LUZP2: variants seen among roughly 807,000 people sequenced by gnomAD.
LUZP2 encodes the protein leucine zipper protein 2.
A neutral mutation model predicts 51.6 loss-of-function variants in LUZP2; 52 were observed. The observed-to-expected ratio is 1.01, with a 90% CI of 0.81 to 1.27. The LOEUF (loss-of-function observed/expected upper bound fraction) is 1.27, where lower values mean the gene tolerates loss of function less well. LUZP2 is among the 50% of genes most tolerant of loss of function. LUZP2 has a pLI of 0.00. For missense variants in LUZP2, 436 were observed against 395.4 expected (o/e 1.10, Z -0.87); for synonymous variants, 154 against 137.3 (o/e 1.12, Z -0.85).
intron 1 of LUZP2, among the ~76,000 whole-genome samples, chr11:24,502,597 A>G (rs1590109295): frequency 6.6e-6 from 1 of 151,800 alleles, no homozygotes; most frequent in African/African-American, 2.4e-5. Context: ...TCTTGGCCAG[A>G]CTGGTCTTGA....
At chr11:24,609,732 A>G (rs74363037) in intron 1 of LUZP2, among the ~76,000 whole-genome samples, 1 of 7,498 alleles carries the variant, frequency 1.3e-4, no homozygotes, top group South Asian at 3.2e-3. Flanking sequence ...TCCAGCTCAA[A>G]AAAAAAAAAA....
chr11:25,018,037 G>GTTTTTTTTTTTTTTTTTTTTTTTT (rs1410360304), intron 9 of LUZP2, among the ~76,000 whole-genome samples: 1 of 131,092 alleles, frequency 7.6e-6, no homozygotes, highest in Non-Finnish European at 1.6e-5. Flanking sequence ...TTTTGTTTCT[G>GTTTTTTTTTTTTTTTTTTTTTTTT]TTTTTTTTTT....
At chr11:25,077,252 AAG>A in intron 10 of LUZP2, 75 bp from the exon 11 acceptor site, 9 of 1,067,324 alleles carry the variant, frequency 8.4e-6, no homozygotes, top group Non-Finnish European at 1.2e-5. Flanking sequence ...GGAAGAATTC[AAG>A]AGAGTGTTTT....
chr11:24,773,882 C>T (rs1848826414), intron 5 of LUZP2, among the ~76,000 whole-genome samples: 1 of 152,136 alleles, frequency 6.6e-6, no homozygotes, highest in Non-Finnish European at 1.5e-5. Flanking sequence ...CCCGAGGACC[C>T]TAACCACAAA....
chr11:24,542,522 G>T (rs1433567138), intron 1 of LUZP2, among the ~76,000 whole-genome samples: 2 of 151,620 alleles, frequency 1.3e-5, no homozygotes, highest in Non-Finnish European at 2.9e-5. Context: ...ATTTTCCAGT[G>T]TGTGAAAAAA....
At chr11:24,856,895 A>G (rs567761036) in intron 5 of LUZP2, among the ~76,000 whole-genome samples, 12 of 152,214 alleles carry the variant, frequency 7.9e-5, no homozygotes, top group Middle Eastern at 3.4e-3. Context: ...AATAAAGTAT[A>G]TACATGGACA....
chr11:24,781,082 A>C (rs976807741), intron 5 of LUZP2, among the ~76,000 whole-genome samples: 3 of 152,148 alleles, frequency 2.0e-5, no homozygotes, highest in Non-Finnish European at 4.4e-5. Context: ...AGTGGATTCA[A>C]GTTACTATGT....
chr11:24,984,056 T>C (rs1350229636), intron 9 of LUZP2, among the ~76,000 whole-genome samples: 1 of 151,626 alleles, frequency 6.6e-6, no homozygotes, highest in Non-Finnish European at 1.5e-5. Flanking sequence ...AAATAATCTT[T>C]GGGGGAGGGA....
Position 24,729,249 on chromosome 11 carries a change from C to A in LUZP2, c.143C>A (p.Thr48Lys), listed in dbSNP as rs759915899. Residue 48 changes from threonine (T) to lysine (K), a missense_variant, in exon 2 of 12, where the codon ACA becomes AAA. Physicochemically the swap from Thr to Lys is moderately conservative, Grantham distance 78 (BLOSUM62 -1). Coordinates refer to ENST00000336930, the MANE Select transcript of LUZP2 (RefSeq NM_001009909.4). ...RSTILRQLTK[T>K]SRELDGIKVN... Reference sequence around the variant, plus strand: ...ACCATTCTTCGTCAGCTGACAAAGACATCAAGAGAACTTGATGGAATTAAA... The same window carrying A: ...ACCATTCTTCGTCAGCTGACAAAGAAATCAAGAGAACTTGATGGAATTAAA... 6.4e-7 allele frequency: 1 copy of A among 1,567,888 alleles called. No individual in the cohort carries two copies. Among genetic ancestry groups the A allele is most frequent in the South Asian group, 1.2e-5 (1 of 85,532 alleles).
chr11:24,733,221 T>A (rs1446950202), intron 3 of LUZP2, among the ~76,000 whole-genome samples: 1 of 151,846 alleles, frequency 6.6e-6, no homozygotes, highest in Non-Finnish European at 1.5e-5. Context: ...TATAGTGACA[T>A]GTTTATTATT....
In LUZP2 at chr11:24,752,624, T is replaced by C. The variant is rs552762762; in HGVS notation, c.334-10622T>C. ...ATATAGTACATAACCAAGACTATTA[T>C]AAATTTTCTATATTTTAACTTAGAA... On this transcript the variant is annotated intron_variant, in intron 4 of 11. Transcript: ENST00000336930. Among the ~76,000 whole-genome samples, 190 of 152,258 alleles carry C rather than the reference T, an allele frequency of 1.2e-3. 7 individuals carry two copies. The South Asian group carries it at 0.037, about 30-fold the overall frequency.
At position 24,875,873 on chromosome 11, in the gene LUZP2, A is replaced by C. The variant is rs888029038; in HGVS notation, c.397-30118A>C. On this transcript the variant is annotated intron_variant, in intron 5 of 11. Coordinates refer to ENST00000336930, the MANE Select transcript of LUZP2 (RefSeq NM_001009909.4). ...AGCCAGTGATGGTGAGCATTTTTTC[A>C]TGTGTTTTTTGGCTGCATAAATGTC... Among the ~76,000 whole-genome samples the C allele has an allele frequency of 7.9e-5, 12 of 151,704 alleles. No individual in the cohort carries two copies. In the South Asian group the frequency reaches 8.3e-4, roughly 11 times the overall value.
intron 1 of LUZP2, among the ~76,000 whole-genome samples, chr11:24,559,760 A>G (rs1851975995): frequency 6.6e-6 from 1 of 152,202 alleles, no homozygotes; most frequent in African/African-American, 2.4e-5. Flanking sequence ...GTGTTAGATG[A>G]TAGTTGAATT....
At chr11:24,609,729 CAAAAAAAAA>C (rs34436907) in intron 1 of LUZP2, among the ~76,000 whole-genome samples, 1 of 65,896 alleles carries the variant, frequency 1.5e-5, no homozygotes, top group Non-Finnish European at 2.4e-5. Context: ...GACTCCAGCT[CAAAAAAAAA>C]AAAAAAAAAA....
intron 10 of LUZP2, among the ~76,000 whole-genome samples, chr11:25,055,120 C>G (rs1057224909): frequency 2.1e-5 from 3 of 146,082 alleles, no homozygotes; most frequent in African/African-American, 7.4e-5. Flanking sequence ...AAGCGATTCT[C>G]CTGCCTCAGC....
intron 1 of LUZP2, among the ~76,000 whole-genome samples, chr11:24,708,667 C>A (rs892944661): frequency 2.0e-5 from 3 of 152,132 alleles, no homozygotes; most frequent in African/African-American, 4.8e-5. Flanking sequence ...TCTTCACCCC[C>A]ACAAGAGATT....
chr11:24,793,597 G>C lies in LUZP2; in HGVS notation c.396+30289G>C, dbSNP rs572788512. Among the ~76,000 whole-genome samples, 3 of 152,196 alleles carry C rather than the reference G, an allele frequency of 2.0e-5. No homozygotes were observed. In the South Asian group the frequency reaches 6.2e-4, roughly 32 times the overall value. ...TCTGAGAATACCATGATAAGGGAGA[G>C]AGGACAGAACACAGCTGATCTCAAC... On this transcript the variant is annotated intron_variant, in intron 5 of 11. Coordinates refer to ENST00000336930, the MANE Select transcript of LUZP2 (RefSeq NM_001009909.4).
At chr11:24,594,750 CTTTTTTTTT>C (rs61196514) in intron 1 of LUZP2, among the ~76,000 whole-genome samples, 2 of 78,556 alleles carry the variant, frequency 2.5e-5, no homozygotes, top group African/African-American at 5.7e-5. Context: ...GTTTGGGACA[CTTTTTTTTT>C]TTTTTTTTTT....
At chr11:24,937,923 G>A (rs1447263407) in intron 7 of LUZP2, among the ~76,000 whole-genome samples, 13 of 149,076 alleles carry the variant, frequency 8.7e-5, no homozygotes, top group Admixed American at 2.7e-4. Context: ...AAGAAAGAAA[G>A]AAAAAAAAAT....
Sources: allele counts gnomAD v4.1 joint callset (sites outside exome capture counted in the v4.1 genomes callset), GRCh38; gene constraint gnomAD v4.1.1; transcripts MANE v1.5; gene names NCBI Gene and HGNC (gene_info 2026-07-23, HGNC 2026-07-21).